The following ARID1B variants were observed in gnomAD, a reference collection of about 807,000 sequenced individuals.
ARID1B encodes AT-rich interaction domain 1B, also known as AT-rich interactive domain-containing protein 1B.
A neutral mutation model predicts 212.3 loss-of-function variants in ARID1B; 30 were observed. The observed-to-expected ratio is 0.14, with a 90% CI of 0.11 to 0.19. The LOEUF is 0.19. Ranked by LOEUF, ARID1B falls within the 10% of genes least tolerant of loss-of-function variation. The probability of loss-of-function intolerance (pLI) is 1.00; values close to 1 mark genes in which losing one functional copy is unlikely to be tolerated. For synonymous variants in ARID1B, 1,402 were observed against 1,301.7 expected (o/e 1.08, Z -1.66); for missense variants, 2,891 against 3,204.0 (o/e 0.90, Z 2.36).
intron 1 of ARID1B, among the ~76,000 whole-genome samples, chr6:156,782,867 T>C (rs1375964887): frequency 6.6e-6 from 1 of 152,126 alleles, no homozygotes; most frequent in African/African-American, 2.4e-5. Context: ...ATAACAAATG[T>C]CTGCAGTTTT....
chr6:156,940,305 A>G (rs1205492243), intron 4 of ARID1B: 1 of 152,216 alleles, frequency 6.6e-6, no homozygotes, highest in Non-Finnish European at 1.5e-5. Context: ...TTTCTTCCTT[A>G]AATAGGAAAT....
chr6:157,060,576 ATAGATT>A (rs1007384434), intron 4 of ARID1B, among the ~76,000 whole-genome samples: 1 of 150,568 alleles, frequency 6.6e-6, no homozygotes, highest in Non-Finnish European at 1.5e-5. Context: ...TGGTTAACAT[ATAGATT>A]TAAACTTATT....
chr6:157,089,616 C>T (rs1785156537), intron 5 of ARID1B, among the ~76,000 whole-genome samples: 1 of 152,146 alleles, frequency 6.6e-6, no homozygotes, highest in Non-Finnish European at 1.5e-5. Flanking sequence ...TGACTCTAAA[C>T]AAGCATTTGA....
chr6:156,943,745 CT>C (rs963880122), intron 4 of ARID1B: 12 of 152,158 alleles, frequency 7.9e-5, no homozygotes, highest in Admixed American at 7.9e-4. Context: ...TTTTTTAGAG[CT>C]CTTGATTTAA....
intron 7 of ARID1B, among the ~76,000 whole-genome samples, chr6:157,136,899 T>C (rs1437184926): frequency 2.0e-5 from 3 of 149,866 alleles, no homozygotes; most frequent in African/African-American, 7.4e-5. Flanking sequence ...ACTAAAGAGA[T>C]TAAGAATGTT....
intron 2 of ARID1B, among the ~76,000 whole-genome samples, chr6:156,897,863 A>G (rs902091407): frequency 1.6e-4 from 24 of 152,146 alleles, no homozygotes; most frequent in African/African-American, 5.1e-4. Context: ...GTGTTCCTTG[A>G]TTCGTTAAAA....
At chr6:156,779,495 T>A in intron 1 of ARID1B, 24 bp downstream of exon 1, 1 of 1,323,706 alleles carries the variant, frequency 7.6e-7, no homozygotes, top group African/African-American at 1.6e-5. Context: ...CAGCCGGGCC[T>A]GCTTCCGCCC....
At chr6:157,033,116 T>TG (rs752864048) in intron 4 of ARID1B, among the ~76,000 whole-genome samples, 1 of 152,212 alleles carries the variant, frequency 6.6e-6, no homozygotes, top group East Asian at 1.9e-4. Flanking sequence ...GGTTAATACT[T>TG]GCGTAATCAT....
chr6:157,012,176 A>C (rs2356045), intron 4 of ARID1B, among the ~76,000 whole-genome samples: 47,212 of 152,160 alleles, frequency 0.31, 7,482 homozygotes, highest in Non-Finnish European at 0.32. Flanking sequence ...AATTAAGACA[A>C]AGGAAAATTA....
chr6:156,829,443 C>T (rs367657016), intron 2 of ARID1B, 22 bp downstream of exon 2: 120 of 1,599,652 alleles, frequency 7.5e-5, no homozygotes, highest in Non-Finnish European at 8.6e-5. Context: ...TCCCCCGACC[C>T]GCTGCTTTTT....
intron 15 of ARID1B, chr6:157,194,934 A>G (rs980372706): frequency 2.6e-5 from 4 of 152,216 alleles, no homozygotes; most frequent in African/African-American, 9.7e-5. Context: ...GGCTACAGTA[A>G]GCTACGATTT....
chr6:156,978,820 T>C (rs1370732281), intron 4 of ARID1B, among the ~76,000 whole-genome samples: 1 of 152,232 alleles, frequency 6.6e-6, no homozygotes, highest in African/African-American at 2.4e-5. Context: ...AAATGTGATA[T>C]ATTACTTTTT....
At chr6:157,043,066 T>C (rs1781994955) in intron 4 of ARID1B, among the ~76,000 whole-genome samples, 1 of 152,240 alleles carries the variant, frequency 6.6e-6, no homozygotes, top group African/African-American at 2.4e-5. Context: ...TATCTGAACA[T>C]AAGATGTTAA....
intron 4 of ARID1B, among the ~76,000 whole-genome samples, chr6:157,032,906 T>C (rs1394331788): frequency 3.9e-5 from 6 of 152,150 alleles, no homozygotes; most frequent in African/African-American, 1.4e-4. Context: ...CCTGGAAATC[T>C]TTTCTTGTCT....
At chr6:157,106,499 A>G (rs763844142) in intron 5 of ARID1B, among the ~76,000 whole-genome samples, 8 of 152,198 alleles carry the variant, frequency 5.3e-5, no homozygotes, top group Non-Finnish European at 8.8e-5. Flanking sequence ...CCTTAGTCTC[A>G]GTTCACATCA....
chr6:157,080,818 G>T (rs974604960), intron 4 of ARID1B, among the ~76,000 whole-genome samples: 1 of 152,164 alleles, frequency 6.6e-6, no homozygotes, highest in African/African-American at 2.4e-5. Context: ...GCAGGGAACT[G>T]TCATTTAAAT....
intron 4 of ARID1B, among the ~76,000 whole-genome samples, chr6:157,026,010 C>T (rs375976429): frequency 8.5e-5 from 13 of 152,218 alleles, no homozygotes; most frequent in South Asian, 4.1e-4. Flanking sequence ...CTGCAGCCTC[C>T]GCCTGGTGAG....
chr6:156,990,452 C>T (rs978006578), intron 4 of ARID1B, among the ~76,000 whole-genome samples: 1 of 152,046 alleles, frequency 6.6e-6, no homozygotes, highest in Non-Finnish European at 1.5e-5. Flanking sequence ...ACCCTCCTGG[C>T]CATCATGGTG....
rs771056710 is a variant in ARID1B, at chr6:157,200,715, G to A, written c.4490G>A (p.Arg1497His). 6.3e-7 allele frequency: 1 copy of A among 1,599,972 alleles called. No individual in the cohort carries two copies. The highest frequency in any genetic ancestry group is 8.5e-7 in the Non-Finnish European group (1 of 1,172,896). The change falls in exon 18 of 20, where the codon CGC becomes CAC. Residue 1497 changes from arginine (R) to histidine (H), a missense_variant. Transcript: ENST00000636930. This position sits in a 1 kb window ranked among gnomAD's most constrained non-coding sequence, Gnocchi z 4.3. ...TTCTGTGAATTCCAGAATTACAAAC[G>A]CCATATGGACGGCATGTACGGGCCC... Reference protein sequence around the residue: ...GLYPQQPNYKRHMDGMYGPPA... With the variant: ...GLYPQQPNYKHHMDGMYGPPA...
Sources: allele counts gnomAD v4.1 joint callset (sites outside exome capture counted in the v4.1 genomes callset), GRCh38; gene constraint gnomAD v4.1.1; non-coding constraint Gnocchi (gnomAD v3.1); transcripts MANE v1.5; gene names NCBI Gene and HGNC (gene_info 2026-07-23, HGNC 2026-07-21).